FHIT: variants seen among roughly 807,000 people sequenced by gnomAD.
The protein encoded by FHIT is fragile histidine triad diadenosine triphosphatase.
A neutral mutation model predicts 17.9 loss-of-function variants in FHIT; 19 were observed. That is an observed-to-expected ratio of 1.06 (90% CI 0.74 to 1.56). FHIT has a LOEUF of 1.56. Ranked by LOEUF, FHIT falls within the 40% of genes most tolerant of loss-of-function variation. The probability of loss-of-function intolerance (pLI) is 0.00; values close to 1 mark genes in which losing one functional copy is unlikely to be tolerated. For synonymous variants in FHIT, 81 were observed against 69.7 expected (o/e 1.16, Z -0.81); for missense variants, 248 against 189.2 (o/e 1.31, Z -1.82).
intron 3 of FHIT, among the ~76,000 whole-genome samples, chr3:60,946,209 C>T (rs1233375890): frequency 6.6e-6 from 1 of 152,130 alleles, no homozygotes; most frequent in Non-Finnish European, 1.5e-5. Flanking sequence ...AGTAGAGATG[C>T]TAATGTCACC....
Position 61,214,100 on chromosome 3 carries a change from G to C in FHIT, c.-212-13435C>G, listed in dbSNP as rs577015150. On this transcript the variant is annotated intron_variant, in intron 1 of 9. Transcript: ENST00000492590. Reference sequence around the variant, plus strand: ...CCTAACATCACAATTACAAGAACTAGAAAAGCAAGAGCAAACGCATTCAAA... The same window carrying C: ...CCTAACATCACAATTACAAGAACTACAAAAGCAAGAGCAAACGCATTCAAA... 9.2e-5 allele frequency among the ~76,000 whole-genome samples: 14 copies of C among 152,252 alleles called. No homozygotes were observed. The East Asian group carries it at 2.7e-3, about 29-fold the overall frequency.
chr3:60,959,828 ACT>A lies in FHIT; in HGVS notation c.-111+82217_-111+82218del, dbSNP rs1252878441. On this transcript the variant is annotated intron_variant, in intron 3 of 9. Transcript: ENST00000492590. ...TTTTTTTTTTTTTTTTAATGTCAACACTGTTTGGTGTTTATTTGGTGAGCCTG... is the reference window on the plus strand; with the variant it reads ...TTTTTTTTTTTTTTTTAATGTCAACAGTTTGGTGTTTATTTGGTGAGCCTG... 2.7e-5 allele frequency among the ~76,000 whole-genome samples: 4 copies of A among 146,836 alleles called. No individual in the cohort carries two copies. In the East Asian group the frequency reaches 8.0e-4, roughly 30 times the overall value.
intron 5 of FHIT, among the ~76,000 whole-genome samples, chr3:60,359,424 G>A (rs1559850741): frequency 6.6e-6 from 1 of 151,752 alleles, no homozygotes; most frequent in Admixed American, 6.6e-5. Flanking sequence ...GAGATTACAG[G>A]TGTGTGCCAC....
chr3:61,027,561 A>G (rs1281889015), intron 3 of FHIT, among the ~76,000 whole-genome samples: 1 of 152,234 alleles, frequency 6.6e-6, no homozygotes, highest in Non-Finnish European at 1.5e-5. Context: ...AAGACTCAAT[A>G]TCATTTCGTT....
intron 7 of FHIT, among the ~76,000 whole-genome samples, chr3:59,970,179 T>C (rs372703815): frequency 6.6e-6 from 1 of 152,278 alleles, no homozygotes; most frequent in African/African-American, 2.4e-5. Flanking sequence ...CAAGGTAAAG[T>C]AGTTACATTT....
intron 5 of FHIT, among the ~76,000 whole-genome samples, chr3:60,260,662 G>A (rs1193897344): frequency 6.6e-6 from 1 of 151,974 alleles, no homozygotes; most frequent in African/African-American, 2.4e-5. Context: ...TTGAATAGCG[G>A]CTGGGTAAAA....
chr3:61,137,955 T>C (rs2036964524), intron 2 of FHIT, among the ~76,000 whole-genome samples: 1 of 152,170 alleles, frequency 6.6e-6, no homozygotes, highest in South Asian at 2.1e-4. Context: ...CGAAAGACAG[T>C]TATACAGTGG....
chr3:60,586,608 T>C (rs2037914944), intron 4 of FHIT, among the ~76,000 whole-genome samples: 1 of 151,976 alleles, frequency 6.6e-6, no homozygotes, highest in South Asian at 2.1e-4. Flanking sequence ...CCAGCAATGA[T>C]AGACTGAATA....
rs947135463 is a variant in FHIT, at chr3:60,838,434, C to T, written c.-110-16423G>A. 2.4e-4 allele frequency among the ~76,000 whole-genome samples: 37 copies of T among 152,068 alleles called. 1 individual carries two copies. Among genetic ancestry groups the T allele is most frequent in the African/African-American group, 7.9e-4 (33 of 41,512 alleles). On this transcript the variant is annotated intron_variant, in intron 3 of 9. Coordinates refer to ENST00000492590, the MANE Select transcript of FHIT (RefSeq NM_002012.4). ...TTGCAGTGAGTCGAGATCGCGCCACCGCACTCCAGCCTGGGCGACAGAGCA... is the reference window on the plus strand; with the variant it reads ...TTGCAGTGAGTCGAGATCGCGCCACTGCACTCCAGCCTGGGCGACAGAGCA...
chr3:60,713,610 C>T (rs1463035043), intron 4 of FHIT, among the ~76,000 whole-genome samples: 2 of 152,140 alleles, frequency 1.3e-5, no homozygotes, highest in African/African-American at 2.4e-5. Flanking sequence ...TCACTGATCC[C>T]ACAGAAATAC....
intron 4 of FHIT, among the ~76,000 whole-genome samples, chr3:60,697,838 T>C (rs2041149483): frequency 1.3e-5 from 2 of 152,308 alleles, no homozygotes; most frequent in African/African-American, 4.8e-5. Context: ...ACAGCATGCC[T>C]TAGAAAGGAG....
intron 8 of FHIT, among the ~76,000 whole-genome samples, chr3:59,827,639 G>T (rs989339993): frequency 6.6e-6 from 1 of 152,242 alleles, no homozygotes; most frequent in African/African-American, 2.4e-5. Context: ...GCACAGGGCA[G>T]TAAAGGGACA....
rs376316983 is a variant in FHIT at position 60,113,911 on chromosome 3, A to G, written c.104-99759T>C. ...CAGCTACTGGGGTGGCTGAGGCAGGAGAATGGCGTGAACCCGGGAGGCGGA... is the reference window on the plus strand; with the variant it reads ...CAGCTACTGGGGTGGCTGAGGCAGGGGAATGGCGTGAACCCGGGAGGCGGA... On this transcript the variant is annotated intron_variant, in intron 5 of 9. Transcript: ENST00000492590. Among the ~76,000 whole-genome samples the G allele has an allele frequency of 1.1e-4, 15 of 141,800 alleles. No individual in the cohort carries two copies. In the East Asian group the frequency reaches 2.5e-3, roughly 23 times the overall value. 93.0% of individuals were successfully genotyped at this position (141,800 alleles called of 152,430 possible). A position where few individuals can be genotyped will look rare whatever the true frequency, so the allele number is the denominator to read the frequency against.
At chr3:60,820,802 G>T (rs1559747974) in intron 4 of FHIT, among the ~76,000 whole-genome samples, 1 of 152,064 alleles carries the variant, frequency 6.6e-6, no homozygotes, top group Non-Finnish European at 1.5e-5. Context: ...ATGTTAAATT[G>T]TCTGAGACCC....
chr3:61,125,677 A>G (rs1240210411), intron 2 of FHIT, among the ~76,000 whole-genome samples: 4 of 152,186 alleles, frequency 2.6e-5, no homozygotes, highest in Non-Finnish European at 5.9e-5. Context: ...CAATGAAACA[A>G]TTAGGTTTAA....
In FHIT at chr3:60,372,406, C is replaced by T. The variant is rs577276718; in HGVS notation, c.103+164454G>A. Among the ~76,000 whole-genome samples the T allele has an allele frequency of 2.2e-4, 33 of 152,222 alleles. 2 individuals are homozygous for T. In the South Asian group the frequency reaches 6.9e-3, roughly 32 times the overall value. On this transcript the variant is annotated intron_variant, in intron 5 of 9. Coordinates refer to ENST00000492590, the MANE Select transcript of FHIT (RefSeq NM_002012.4). ...TGATTGTGGCACATCCATAATTTGGCTATTTAGAACATTATGTTTAAAAAC... is the reference window on the plus strand; with the variant it reads ...TGATTGTGGCACATCCATAATTTGGTTATTTAGAACATTATGTTTAAAAAC...
chr3:60,549,424 AC>A (rs1576856506), intron 4 of FHIT, among the ~76,000 whole-genome samples: 8 of 152,294 alleles, frequency 5.3e-5, no homozygotes. Context: ...TCATACACCA[AC>A]ATATCAACAT....
intron 8 of FHIT, among the ~76,000 whole-genome samples, chr3:59,884,098 A>G (rs765969943): frequency 1.2e-4 from 18 of 152,238 alleles, no homozygotes; most frequent in Non-Finnish European, 2.1e-4. Context: ...TTAATTGGGT[A>G]GTAACCAAGC....
chr3:60,387,317 T>G (rs1207171386), intron 5 of FHIT, among the ~76,000 whole-genome samples: 3 of 152,114 alleles, frequency 2.0e-5, no homozygotes, highest in Non-Finnish European at 4.4e-5. Flanking sequence ...TCTCCCACAC[T>G]AATCTGCATT....
Sources: gnomAD v4.1 joint callset for allele counts (sites outside exome capture counted in the v4.1 genomes callset) on GRCh38, gnomAD v4.1.1 for gene constraint, MANE v1.5 for transcripts, NCBI Gene and HGNC (gene_info 2026-07-23, HGNC 2026-07-21) for gene names.